YWHAQ: variants seen among roughly 807,000 people sequenced by gnomAD.
YWHAQ encodes the protein tyrosine 3-monooxygenase/tryptophan 5-monooxygenase activation protein theta.
A neutral mutation model predicts 28.3 loss-of-function variants in YWHAQ; 6 were observed. The ratio of observed to expected loss-of-function variants is 0.21; its 90% confidence interval spans 0.12 to 0.42. The LOEUF is 0.42. Ranked by LOEUF, YWHAQ falls within the 10% of genes least tolerant of loss-of-function variation. YWHAQ has a pLI of 1.00. For missense variants in YWHAQ, 201 were observed against 305.6 expected (o/e 0.66, Z 2.55); for synonymous variants, 143 against 119.1 (o/e 1.20, Z -1.31).
rs536752709 is a variant in YWHAQ at position 9,629,619 on chromosome 2, C to T, written c.294+540G>A. The stretch of plus-strand genomic sequence containing the variant: ...ACAGCTGTGTCCTTTTCACATTTCC[C>T]GAACTCCCCTCCTCTCCTGTTTATG... On this transcript the variant is annotated intron_variant, in intron 2 of 5. Transcript: ENST00000238081. Among the ~76,000 whole-genome samples, 40 of 152,160 alleles carry T rather than the reference C, an allele frequency of 2.6e-4. 1 individual carries two copies. The South Asian group carries it at 6.2e-3, about 24-fold the overall frequency.
intron 2 of YWHAQ, among the ~76,000 whole-genome samples, chr2:9,605,063 A>G (rs1300005397): frequency 6.6e-6 from 1 of 152,192 alleles, no homozygotes; most frequent in Non-Finnish European, 1.5e-5. Flanking sequence ...TATTTTGATC[A>G]AAGTCATAAT....
chr2:9,608,044 A>T (rs1156291190), intron 2 of YWHAQ, among the ~76,000 whole-genome samples: 1 of 152,108 alleles, frequency 6.6e-6, no homozygotes, highest in Non-Finnish European at 1.5e-5. Flanking sequence ...AGAGCAGTAT[A>T]TCAGATTAAA....
rs536615562 is a variant in YWHAQ at position 9,629,123 on chromosome 2, C to G, written c.294+1036G>C. Among the ~76,000 whole-genome samples, 7 of 151,862 alleles carry G rather than the reference C, an allele frequency of 4.6e-5. 1 individual carries two copies. The South Asian group carries it at 1.5e-3, about 32-fold the overall frequency. On this transcript the variant is annotated intron_variant, in intron 2 of 5. Coordinates refer to ENST00000238081, the MANE Select transcript of YWHAQ (RefSeq NM_006826.4). ...TTCTTCCATTCCCTTTTGAAAAATCCCCAGTCTAGTATGCTTGTCTATCAA... is the reference window on the plus strand; with the variant it reads ...TTCTTCCATTCCCTTTTGAAAAATCGCCAGTCTAGTATGCTTGTCTATCAA...
At chr2:9,600,466 G>A (rs1340228609) in intron 2 of YWHAQ, among the ~76,000 whole-genome samples, 1 of 152,178 alleles carries the variant, frequency 6.6e-6, no homozygotes, top group Non-Finnish European at 1.5e-5. Context: ...CAGCACTTGA[G>A]AGGCCCAAGC....
At chr2:9,601,325 G>A (rs1011747634) in intron 2 of YWHAQ, among the ~76,000 whole-genome samples, 1 of 152,054 alleles carries the variant, frequency 6.6e-6, no homozygotes, top group African/African-American at 2.4e-5. Context: ...AGCTGGGTGT[G>A]GTGGCGCACG....
chr2:9,618,099 G>A (rs1322589873), intron 2 of YWHAQ, among the ~76,000 whole-genome samples: 1 of 152,168 alleles, frequency 6.6e-6, no homozygotes, highest in Non-Finnish European at 1.5e-5. Flanking sequence ...GTTGTCAGGA[G>A]CTGAGGTAAG....
intron 2 of YWHAQ, among the ~76,000 whole-genome samples, chr2:9,617,541 T>C (rs563768045): frequency 8.5e-5 from 13 of 152,290 alleles, no homozygotes; most frequent in Admixed American, 3.9e-4. Context: ...GCTGGTTGCA[T>C]TGCACGACAA....
intron 2 of YWHAQ, among the ~76,000 whole-genome samples, chr2:9,616,852 T>A (rs1438525102): frequency 4.6e-5 from 7 of 152,172 alleles, no homozygotes; most frequent in Non-Finnish European, 8.8e-5. Flanking sequence ...AATGAAAACA[T>A]GCCCAAGCAA....
chr2:9,598,011 T>TTTTTTTG (rs1397521514), intron 2 of YWHAQ, among the ~76,000 whole-genome samples: 53 of 137,212 alleles, frequency 3.9e-4, no homozygotes, highest in Non-Finnish European at 6.9e-4. Context: ...TTTTTTTTTT[T>TTTTTTTG]TTAGTAGAGA....
At chr2:9,603,163 TCAA>T (rs962067970) in intron 2 of YWHAQ, among the ~76,000 whole-genome samples, 11 of 151,662 alleles carry the variant, frequency 7.3e-5, no homozygotes, top group Middle Eastern at 6.8e-3. Context: ...CCTCTAAGAA[TCAA>T]CAACAACAAA....
chr2:9,599,257 G>T (rs934564901), intron 2 of YWHAQ, among the ~76,000 whole-genome samples: 1 of 152,198 alleles, frequency 6.6e-6, no homozygotes, highest in Admixed American at 6.5e-5. Context: ...ACCGAAAGAA[G>T]TCACCTCCAG....
At chr2:9,603,468 T>G (rs1489519577) in intron 2 of YWHAQ, among the ~76,000 whole-genome samples, 5 of 150,072 alleles carry the variant, frequency 3.3e-5, no homozygotes, top group Non-Finnish European at 5.9e-5. Context: ...AGAGACGGGG[T>G]TTCTCCATGT....
intron 2 of YWHAQ, among the ~76,000 whole-genome samples, chr2:9,625,537 T>C (rs1403260539): frequency 6.6e-6 from 1 of 152,186 alleles, no homozygotes; most frequent in Non-Finnish European, 1.5e-5. Flanking sequence ...TAGGGCCTAC[T>C]GTGTTTCATG....
At chr2:9,620,737 T>C (rs985048793) in intron 2 of YWHAQ, 3 of 152,204 alleles carry the variant, frequency 2.0e-5, no homozygotes, top group African/African-American at 7.2e-5. Context: ...CATCTGTGAT[T>C]TTCCTGGTCT....
intron 2 of YWHAQ, among the ~76,000 whole-genome samples, chr2:9,600,934 G>A (rs923253137): frequency 1.3e-5 from 2 of 152,070 alleles, no homozygotes; most frequent in Non-Finnish European, 2.9e-5. Context: ...AGGTACATAC[G>A]CTGGTTTTTA....
intron 2 of YWHAQ, among the ~76,000 whole-genome samples, chr2:9,628,329 G>C (rs1241867172): frequency 1.3e-5 from 2 of 152,112 alleles, no homozygotes; most frequent in African/African-American, 4.8e-5. Context: ...CATTGAAATG[G>C]TCTGTATGAA....
chr2:9,605,140 C>CTTT (rs35332379), intron 2 of YWHAQ, among the ~76,000 whole-genome samples: 27,174 of 138,250 alleles, frequency 0.2, 3,240 homozygotes, highest in African/African-American at 0.29. Flanking sequence ...TCTGTTCTCT[C>CTTT]TTTTTTTTTT....
At position 9,588,250 on chromosome 2, in the gene YWHAQ, A is replaced by G. The variant is rs1666386390; in HGVS notation, c.497T>C (p.Ile166Thr). 1 of 1,609,070 alleles carries G rather than the reference A, an allele frequency of 6.2e-7. No individual in the cohort carries two copies. Among genetic ancestry groups the G allele is most frequent in the South Asian group, 1.1e-5 (1 of 89,942 alleles). The change falls in exon 4 of 6, where the codon ATC becomes ACC. Residue 166 changes from isoleucine to threonine, a missense_variant. Ile to Thr is a moderately conservative substitution (Grantham distance 89, BLOSUM62 -1). Coordinates refer to ENST00000238081, the MANE Select transcript of YWHAQ (RefSeq NM_006826.4). ...SKKEMQPTHP[I>T]RLGLALNFSV... ...AAAGTTAAGAGCAAGCCCCAGGCGG[A>G]TTGGGTGTGTGGGTTGCATCTCTTT... is the stretch of plus-strand genomic sequence containing the variant.
rs111350058 is a variant in YWHAQ at position 9,594,144 on chromosome 2, C to G, written c.295-2629G>C. 2.9e-3 allele frequency among the ~76,000 whole-genome samples: 435 copies of G among 151,936 alleles called. 4 individuals are homozygous for G. The highest frequency in any genetic ancestry group is 9.7e-3 in the African/African-American group (404 of 41,464). The stretch of plus-strand genomic sequence containing the variant: ...GCAAAAGAGGTCATTAGGGCCACAC[C>G]CAAATTAAAGGCAACTGTGACAAGT... On this transcript the variant is annotated intron_variant, in intron 2 of 5. Coordinates refer to ENST00000238081, the MANE Select transcript of YWHAQ (RefSeq NM_006826.4).
Sources: gnomAD v4.1 joint callset for allele counts (sites outside exome capture counted in the v4.1 genomes callset) on GRCh38, gnomAD v4.1.1 for gene constraint, MANE v1.5 for transcripts, NCBI Gene and HGNC (gene_info 2026-07-23, HGNC 2026-07-21) for gene names.